ZHX2: variants seen among roughly 807,000 people sequenced by gnomAD.
ZHX2 encodes the protein zinc fingers and homeoboxes protein 2.
In ZHX2, 6 loss-of-function variants were observed where a neutral mutation model predicts 21.9. That is an observed-to-expected ratio of 0.27 (90% CI 0.15 to 0.54). ZHX2 has a LOEUF of 0.54. ZHX2 is among the 20% of genes least tolerant of loss of function. ZHX2 has a pLI of 0.95. For synonymous variants in ZHX2, 434 were observed against 437.1 expected (o/e 0.99, Z 0.09); for missense variants, 908 against 1,090.7 (o/e 0.83, Z 2.36).
intron 2 of ZHX2, among the ~76,000 whole-genome samples, chr8:122,901,378 T>C (rs932127862): frequency 2.6e-5 from 4 of 152,206 alleles, no homozygotes; most frequent in Admixed American, 2.0e-4. Context: ...GAGAATCTGC[T>C]TCAGTGGTTT....
At chr8:122,925,544 A>G (rs76983337) in intron 2 of ZHX2, among the ~76,000 whole-genome samples, 2 of 152,328 alleles carry the variant, frequency 1.3e-5, no homozygotes, top group African/African-American at 2.4e-5. Context: ...GGAGTAAACA[A>G]TCTGACAGAG....
intron 1 of ZHX2, among the ~76,000 whole-genome samples, chr8:122,839,204 C>T (rs747457493): frequency 3.3e-5 from 5 of 152,034 alleles, no homozygotes; most frequent in Admixed American, 6.6e-5. Flanking sequence ...TGGGCCCATC[C>T]GCACTCCATT....
At chr8:122,811,791 G>A (rs1374691489) in intron 1 of ZHX2, 1 of 152,218 alleles carries the variant, frequency 6.6e-6, no homozygotes, top group East Asian at 1.9e-4. Flanking sequence ...TGAGAGGTAA[G>A]AATCCCCCTT....
At chr8:122,887,252 G>A (rs1039542697) in intron 2 of ZHX2, among the ~76,000 whole-genome samples, 5 of 152,178 alleles carry the variant, frequency 3.3e-5, no homozygotes, top group Admixed American at 6.5e-5. Flanking sequence ...GGTGGCTCAC[G>A]CCTGTAATCC....
chr8:122,793,957 T>C (rs1445169), intron 1 of ZHX2, among the ~76,000 whole-genome samples: 58,353 of 151,934 alleles, frequency 0.38, 11,437 homozygotes, highest in African/African-American at 0.47. Flanking sequence ...TATAGGGTCC[T>C]CTGTTGGGAG....
Position 122,953,619 on chromosome 8 carries a change from C to A in ZHX2, c.2109C>A (p.His703Gln). Reference protein sequence around the residue: ...QYQHQPMADDHGYDAVARKAT... With the variant: ...QYQHQPMADDQGYDAVARKAT... ...AGCACCAGCCCATGGCAGATGATCA[C>A]GGCTACGATGCCGTAGCAAGGAAAG... The change falls in exon 3 of 4, where the codon CAC becomes CAA. Residue 703 changes from histidine (H) to glutamine (Q), a missense_variant. Coordinates refer to ENST00000314393, the MANE Select transcript of ZHX2 (RefSeq NM_014943.5). The surrounding 1 kb of genome is among the most constrained non-coding windows in gnomAD (Gnocchi z 4.6). 6.2e-7 allele frequency: 1 copy of A among 1,614,176 alleles called. No individual in the cohort carries two copies. The highest frequency in any genetic ancestry group is 8.5e-7 in the Non-Finnish European group (1 of 1,180,050).
At chr8:122,890,232 G>C (rs1241087280) in intron 2 of ZHX2, among the ~76,000 whole-genome samples, 1 of 151,956 alleles carries the variant, frequency 6.6e-6, no homozygotes, top group African/African-American at 2.4e-5. Context: ...TCCTGATGTA[G>C]GTTCTTGGTG....
chr8:122,966,629 C>A (rs1266772615), intron 3 of ZHX2, among the ~76,000 whole-genome samples: 1 of 152,144 alleles, frequency 6.6e-6, no homozygotes, highest in Non-Finnish European at 1.5e-5. Context: ...TGACCATGTG[C>A]CTAGGTGATG....
intron 3 of ZHX2, among the ~76,000 whole-genome samples, chr8:122,969,680 C>T (rs1189010076): frequency 6.6e-6 from 1 of 152,104 alleles, no homozygotes; most frequent in Non-Finnish European, 1.5e-5. Context: ...AAATGTTTAG[C>T]AGATAACAGG....
intron 1 of ZHX2, among the ~76,000 whole-genome samples, chr8:122,800,079 C>T (rs1817687952): frequency 6.6e-6 from 1 of 152,216 alleles, no homozygotes; most frequent in Admixed American, 6.5e-5. Flanking sequence ...TGGTCTCAGA[C>T]TCCTGACCTC....
chr8:122,860,201 C>T (rs867466733), intron 1 of ZHX2, among the ~76,000 whole-genome samples: 2 of 152,208 alleles, frequency 1.3e-5, no homozygotes, highest in African/African-American at 4.8e-5. Flanking sequence ...CTCGTGAGAA[C>T]TCACTCACTA....
chr8:122,859,133 G>A (rs1819103715), intron 1 of ZHX2, among the ~76,000 whole-genome samples: 1 of 152,234 alleles, frequency 6.6e-6, no homozygotes, highest in African/African-American at 2.4e-5. Flanking sequence ...CAGAACACGT[G>A]TGAGAGAGAA....
chr8:122,868,084 C>G (rs548931027), intron 2 of ZHX2, among the ~76,000 whole-genome samples: 1 of 152,114 alleles, frequency 6.6e-6, no homozygotes, highest in Non-Finnish European at 1.5e-5. Flanking sequence ...ACGATTGAGC[C>G]TTTTAGCGGG....
intron 2 of ZHX2, among the ~76,000 whole-genome samples, chr8:122,902,237 G>A (rs1198841621): frequency 2.0e-5 from 3 of 152,182 alleles, no homozygotes; most frequent in Non-Finnish European, 4.4e-5. Flanking sequence ...TGCAGAAGCT[G>A]TTGAGGATAC....
In ZHX2 at chr8:122,917,075, G is replaced by A. The variant is rs565967301; in HGVS notation, c.-219-34217G>A. On this transcript the variant is annotated intron_variant, in intron 2 of 3. Transcript: ENST00000314393. ...AGTGACGTCCTCCCTGTCATCCAGC[G>A]CATTCATCCCACGCAGTGTTATAAT... 7.2e-5 allele frequency among the ~76,000 whole-genome samples: 11 copies of A among 152,148 alleles called. No individual in the cohort carries two copies. In the South Asian group the frequency reaches 8.3e-4, roughly 12 times the overall value.
At chr8:122,955,186 G>C (rs1258517796) in intron 3 of ZHX2, among the ~76,000 whole-genome samples, 1 of 150,410 alleles carries the variant, frequency 6.6e-6, no homozygotes, top group Non-Finnish European at 1.5e-5. Context: ...AGTGCAAATC[G>C]AGGCCTGAAG....
chr8:122,921,509 T>A (rs933925046), intron 2 of ZHX2, among the ~76,000 whole-genome samples: 3 of 152,136 alleles, frequency 2.0e-5, no homozygotes, highest in Admixed American at 2.0e-4. Flanking sequence ...AGATCTTAAG[T>A]GCTCTCGCCA....
At chr8:122,856,183 T>C (rs1454326685) in intron 1 of ZHX2, among the ~76,000 whole-genome samples, 2 of 152,216 alleles carry the variant, frequency 1.3e-5, no homozygotes, top group Non-Finnish European at 2.9e-5. Context: ...TCTTGTGTGG[T>C]AGAAATTGCA....
intron 1 of ZHX2, among the ~76,000 whole-genome samples, chr8:122,835,398 G>A (rs1188158279): frequency 6.6e-6 from 1 of 152,224 alleles, no homozygotes; most frequent in Non-Finnish European, 1.5e-5. Context: ...ATAAGCAGTG[G>A]AGGATAGGGG....
Sources: allele counts gnomAD v4.1 joint callset (sites outside exome capture counted in the v4.1 genomes callset), GRCh38; gene constraint gnomAD v4.1.1; non-coding constraint Gnocchi (gnomAD v3.1); transcripts MANE v1.5; gene names NCBI Gene and HGNC (gene_info 2026-07-23, HGNC 2026-07-21).